Variants in GPC3 observed in about 807,000 individuals in gnomAD.
GPC3 encodes the protein glypican-3.
In GPC3, 3 loss-of-function variants were observed where a neutral mutation model predicts 34.4. The observed-to-expected ratio is 0.09, with a 90% CI of 0.04 to 0.23. The LOEUF is 0.23. GPC3 is among the 10% of genes least tolerant of loss of function. GPC3 has a pLI of 1.00. For synonymous variants in GPC3, 177 were observed against 174.0 expected (o/e 1.02, Z -0.13); for missense variants, 351 against 445.6 (o/e 0.79, Z 1.91).
chrX:133,917,361 T>C (rs931650701), intron 2 of GPC3, among the ~76,000 whole-genome samples: 1 of 112,042 alleles, frequency 8.9e-6, no homozygotes, highest in Non-Finnish European at 1.9e-5. Flanking sequence ...TTGTATCATA[T>C]GTAAATTAGA....
intron 2 of GPC3, among the ~76,000 whole-genome samples, chrX:133,902,482 G>C (rs757124043): frequency 5.0e-4 from 56 of 111,835 alleles, no homozygotes; most frequent in African/African-American, 1.7e-3. Context: ...CAGAACTTTG[G>C]GAGGCCAAGG....
At chrX:133,616,624 G>T (rs2070166736) in intron 6 of GPC3, among the ~76,000 whole-genome samples, 1 of 110,282 alleles carries the variant, frequency 9.1e-6, no homozygotes, top group African/African-American at 3.3e-5. Context: ...TACTGTAAAT[G>T]TACTGTACTT....
intron 2 of GPC3, among the ~76,000 whole-genome samples, chrX:133,872,788 A>T (rs1432720341): frequency 8.9e-6 from 1 of 111,733 alleles, no homozygotes; most frequent in Non-Finnish European, 1.9e-5. Flanking sequence ...CTGCAGTCTC[A>T]GGCAGGACCA....
intron 2 of GPC3, among the ~76,000 whole-genome samples, chrX:133,811,673 G>C (rs1342642789): frequency 2.7e-5 from 3 of 111,418 alleles, no homozygotes; most frequent in Non-Finnish European, 5.6e-5. Context: ...GCACACAGTA[G>C]GTCAACTTGC....
intron 2 of GPC3, among the ~76,000 whole-genome samples, chrX:133,905,008 T>C (rs2124602394): frequency 8.9e-6 from 1 of 112,110 alleles, no homozygotes; most frequent in East Asian, 2.8e-4. Context: ...TACCACATCG[T>C]CTCCACCCCA....
chrX:133,558,784 G>A (rs2069515950), intron 7 of GPC3, among the ~76,000 whole-genome samples: 1 of 108,903 alleles, frequency 9.2e-6, no homozygotes, highest in Non-Finnish European at 1.9e-5. Context: ...CAGCTACTCA[G>A]GAGGCTGAGG....
chrX:133,834,168 A>C (rs973393793), intron 2 of GPC3, among the ~76,000 whole-genome samples: 1 of 112,169 alleles, frequency 8.9e-6, no homozygotes, highest in African/African-American at 3.2e-5. Context: ...TGGTAGGAGT[A>C]ATTTTTGAAA....
chrX:133,733,854 A>T (rs954533603), intron 3 of GPC3, among the ~76,000 whole-genome samples: 1 of 112,148 alleles, frequency 8.9e-6, no homozygotes, highest in Non-Finnish European at 1.9e-5. Context: ...GGAAGAAATA[A>T]AAAATTAGAA....
intron 7 of GPC3, among the ~76,000 whole-genome samples, chrX:133,538,761 A>G (rs779592714): frequency 9.6e-6 from 1 of 103,955 alleles, no homozygotes; most frequent in Admixed American, 1.1e-4. Context: ...CTCGATTTCC[A>G]GGGCTCAAGC....
chrX:133,557,184 C>A (rs1000894917), intron 7 of GPC3, among the ~76,000 whole-genome samples: 1 of 110,270 alleles, frequency 9.1e-6, no homozygotes, highest in African/African-American at 3.3e-5. Flanking sequence ...GTCCCAGCTA[C>A]TGGGGAGGCT....
intron 2 of GPC3, among the ~76,000 whole-genome samples, chrX:133,898,592 T>C (rs1024761001): frequency 8.9e-6 from 1 of 112,164 alleles, no homozygotes; most frequent in Non-Finnish European, 1.9e-5. Context: ...CTGTTGAGTT[T>C]TGGTCATGCA....
intron 5 of GPC3, among the ~76,000 whole-genome samples, chrX:133,674,653 G>A (rs1213737432): frequency 9.0e-6 from 1 of 111,186 alleles, no homozygotes; most frequent in African/African-American, 3.3e-5. Context: ...GTGGCCCAGG[G>A]CAACCCTCCA....
intron 2 of GPC3, among the ~76,000 whole-genome samples, chrX:133,789,506 T>C (rs1307819914): frequency 8.9e-6 from 1 of 111,954 alleles, no homozygotes; most frequent in Admixed American, 9.5e-5. Context: ...TGCGTTGATC[T>C]ATTGCTTCTT....
At chrX:133,800,480 A>G (rs1180349440) in intron 2 of GPC3, among the ~76,000 whole-genome samples, 1 of 112,280 alleles carries the variant, frequency 8.9e-6, no homozygotes, top group Non-Finnish European at 1.9e-5. Flanking sequence ...ACGATCAAGC[A>G]TGCACAACTC....
intron 5 of GPC3, among the ~76,000 whole-genome samples, chrX:133,676,822 T>C (rs1043938345): frequency 9.9e-5 from 11 of 111,662 alleles, no homozygotes; most frequent in African/African-American, 3.3e-4. Flanking sequence ...AGGTCAAAAT[T>C]TACCCAAGCC....
At chrX:133,757,136 T>G (rs1316277821) in intron 2 of GPC3, among the ~76,000 whole-genome samples, 5 of 112,422 alleles carry the variant, frequency 4.4e-5, no homozygotes, top group Non-Finnish European at 9.4e-5. Flanking sequence ...ATCAGAGCTA[T>G]CATGAACATT....
At chrX:133,692,914 G>A (rs751231332) in intron 4 of GPC3, among the ~76,000 whole-genome samples, 3 of 111,203 alleles carry the variant, frequency 2.7e-5, no homozygotes, top group East Asian at 5.7e-4. Context: ...GAGATGGTCC[G>A]TTTCCATATA....
At chrX:133,876,725 G>A (rs1369769632) in intron 2 of GPC3, among the ~76,000 whole-genome samples, 2 of 111,979 alleles carry the variant, frequency 1.8e-5, no homozygotes, top group East Asian at 5.6e-4. Context: ...TGACAGTATT[G>A]TTTTGTTTTT....
intron 2 of GPC3, among the ~76,000 whole-genome samples, chrX:133,892,580 CTTTTTTG>C (rs1275763554): frequency 9.0e-6 from 1 of 110,762 alleles, no homozygotes; most frequent in Non-Finnish European, 1.9e-5. Flanking sequence ...GATGCTTGGA[CTTTTTTG>C]TTTTTTGTTT....
Sources: allele counts gnomAD v4.1 joint callset (sites outside exome capture counted in the v4.1 genomes callset), GRCh38; gene constraint gnomAD v4.1.1; transcripts MANE v1.5; gene names NCBI Gene and HGNC (gene_info 2026-07-23, HGNC 2026-07-21).